TMEM132C: variants seen among roughly 807,000 people sequenced by gnomAD.
TMEM132C encodes the protein protein phosphatase 1, regulatory subunit 152.
Under a neutral mutation model 61.4 loss-of-function variants are expected in TMEM132C, and 29 were observed. The observed-to-expected ratio is 0.47, with a 90% CI of 0.35 to 0.64. The LOEUF is 0.64. Ranked by LOEUF, TMEM132C falls within the 30% of genes least tolerant of loss-of-function variation. The pLI is 0.00. For missense variants in TMEM132C, 1,408 were observed against 1,476.9 expected (o/e 0.95, Z 0.76); for synonymous variants, 656 against 633.1 (o/e 1.04, Z -0.54).
chr12:128,664,550 G>A (rs1954437402), intron 4 of TMEM132C, among the ~76,000 whole-genome samples: 2 of 152,194 alleles, frequency 1.3e-5, no homozygotes, highest in African/African-American at 2.4e-5. Context: ...TGCCTTTGTC[G>A]TGTTCTGAGG....
chr12:128,369,305 G>GT (rs1309013906), intron 1 of TMEM132C, among the ~76,000 whole-genome samples: 1 of 152,030 alleles, frequency 6.6e-6, no homozygotes, highest in Non-Finnish European at 1.5e-5. Context: ...TCAATACAAT[G>GT]TTTTTTTAGA....
At chr12:128,612,759 T>A (rs138649421) in intron 3 of TMEM132C, among the ~76,000 whole-genome samples, 165 of 152,328 alleles carry the variant, frequency 1.1e-3, no homozygotes, top group Non-Finnish European at 1.9e-3. Flanking sequence ...GGAGGTCACC[T>A]CACTGCTCAC....
intron 1 of TMEM132C, among the ~76,000 whole-genome samples, chr12:128,347,091 C>G (rs1361276674): frequency 2.0e-5 from 3 of 152,224 alleles, no homozygotes; most frequent in African/African-American, 7.2e-5. Context: ...TATCCTTCCC[C>G]CTGAGTCCCC....
chr12:128,370,130 C>G (rs1401252311), intron 1 of TMEM132C, among the ~76,000 whole-genome samples: 4 of 152,146 alleles, frequency 2.6e-5, no homozygotes, highest in Non-Finnish European at 5.9e-5. Context: ...TGTTGACTTC[C>G]TGGGGGCCTG....
At chr12:128,274,005 T>G (rs1363265721) in intron 1 of TMEM132C, among the ~76,000 whole-genome samples, 1 of 152,208 alleles carries the variant, frequency 6.6e-6, no homozygotes, top group Non-Finnish European at 1.5e-5. Flanking sequence ...CTCTTCAAGA[T>G]GTTATTCTCC....
intron 1 of TMEM132C, among the ~76,000 whole-genome samples, chr12:128,339,708 C>T (rs921196567): frequency 2.6e-5 from 4 of 151,594 alleles, no homozygotes; most frequent in Admixed American, 6.6e-5. Context: ...GGCAGCAGTG[C>T]AGCCTGCAGC....
rs111587173 is a variant in TMEM132C at position 128,566,978 on chromosome 12, T to C, written c.1121+22875T>C. Among the ~76,000 whole-genome samples the C allele has an allele frequency of 3.4e-3, 513 of 152,358 alleles. 7 individuals carry two copies. Among genetic ancestry groups the C allele is most frequent in the African/African-American group, 0.012 (485 of 41,574 alleles). On this transcript the variant is annotated intron_variant, in intron 3 of 8. Coordinates refer to ENST00000435159, the MANE Select transcript of TMEM132C (RefSeq NM_001136103.3). ...ATCATTGTGCTTAATGTTGGTATAGTTGTGGTTATTGTGTTGCTTTTAGAT... is the reference window on the plus strand; with the variant it reads ...ATCATTGTGCTTAATGTTGGTATAGCTGTGGTTATTGTGTTGCTTTTAGAT...
chr12:128,578,667 G>A (rs980814540), intron 3 of TMEM132C, among the ~76,000 whole-genome samples: 1 of 151,980 alleles, frequency 6.6e-6, no homozygotes, highest in South Asian at 2.1e-4. Flanking sequence ...GCATGATCTC[G>A]GCTCACTGCA....
chr12:128,669,400 T>G lies in TMEM132C; in HGVS notation c.1306-17T>G, dbSNP rs1279055175. 6.4e-7 allele frequency: 1 copy of G among 1,551,412 alleles called. No homozygotes were observed. The highest frequency in any genetic ancestry group is 2.0e-5 in the Admixed American group (1 of 50,988). On this transcript the variant is annotated splice_polypyrimidine_tract_variant and intron_variant, in intron 4 of 8. Transcript: ENST00000435159. The stretch of plus-strand genomic sequence containing the variant: ...GAATATCTCCCTTGACCCAGTGTGT[T>G]TGATTCTTTTTGGCAGGACACTGAA...
At position 128,557,380 on chromosome 12, in the gene TMEM132C, A is replaced by T. The variant is rs186409050; in HGVS notation, c.1121+13277A>T. 5.3e-5 allele frequency among the ~76,000 whole-genome samples: 8 copies of T among 152,372 alleles called. No individual in the cohort carries two copies. In the East Asian group the frequency reaches 1.5e-3, roughly 29 times the overall value. On this transcript the variant is annotated intron_variant, in intron 3 of 8. Coordinates refer to ENST00000435159, the MANE Select transcript of TMEM132C (RefSeq NM_001136103.3). The stretch of plus-strand genomic sequence containing the variant: ...CATCTGTCCTGAAATGATTTATTGT[A>T]TCAAGTTAACAAGTCTCTCAAGCTC...
chr12:128,580,080 T>A (rs1006700739), intron 3 of TMEM132C, among the ~76,000 whole-genome samples: 15 of 152,304 alleles, frequency 9.8e-5, no homozygotes, highest in Admixed American at 5.9e-4. Context: ...CTGGGGGACC[T>A]GGGTCAGACA....
chr12:128,515,034 G>A (rs990633470), intron 2 of TMEM132C, among the ~76,000 whole-genome samples: 1 of 152,242 alleles, frequency 6.6e-6, no homozygotes, highest in Admixed American at 6.5e-5. Context: ...AAGCAAAGTT[G>A]TATAAGGCTT....
chr12:128,571,301 G>A (rs146708211), intron 3 of TMEM132C, among the ~76,000 whole-genome samples: 68 of 152,326 alleles, frequency 4.5e-4, no homozygotes, highest in African/African-American at 1.5e-3. Context: ...TCCAGTCTGA[G>A]TTTAGGTTTC....
chr12:128,682,985 T>G (rs1401905502), intron 5 of TMEM132C, among the ~76,000 whole-genome samples: 1 of 152,172 alleles, frequency 6.6e-6, no homozygotes, highest in African/African-American at 2.4e-5. Flanking sequence ...CCGTCCTCCC[T>G]GTGCGTCTGC....
intron 1 of TMEM132C, among the ~76,000 whole-genome samples, chr12:128,385,025 C>T (rs548932509): frequency 4.3e-4 from 65 of 152,278 alleles, no homozygotes; most frequent in African/African-American, 1.3e-3. Flanking sequence ...TCAAAATATT[C>T]GAGAACTTTA....
intron 3 of TMEM132C, among the ~76,000 whole-genome samples, chr12:128,598,680 T>C (rs1367949017): frequency 1.3e-5 from 2 of 152,214 alleles, no homozygotes; most frequent in South Asian, 2.1e-4. Flanking sequence ...TCACTTATTG[T>C]TCAGCTTTCA....
chr12:128,482,301 A>C (rs1003855575), intron 2 of TMEM132C, among the ~76,000 whole-genome samples: 2 of 152,234 alleles, frequency 1.3e-5, no homozygotes, highest in Non-Finnish European at 2.9e-5. Flanking sequence ...GGACGAAAGC[A>C]CTGGGGAATT....
At position 128,630,773 on chromosome 12, in the gene TMEM132C, G is replaced by A. The variant is rs943550840; in HGVS notation, c.1305+14438G>A. On this transcript the variant is annotated intron_variant, in intron 4 of 8. Coordinates refer to ENST00000435159, the MANE Select transcript of TMEM132C (RefSeq NM_001136103.3). The surrounding 1 kb of genome is among the most constrained non-coding windows in gnomAD (Gnocchi z 4.3). ...GTGTGGGCCGGGCACGGTGGCTCACGCCTGTAATCCCAGCACTTTGGGAGG... is the reference window on the plus strand; with the variant it reads ...GTGTGGGCCGGGCACGGTGGCTCACACCTGTAATCCCAGCACTTTGGGAGG... 1.3e-5 allele frequency among the ~76,000 whole-genome samples: 2 copies of A among 152,172 alleles called. No homozygotes were observed. The highest frequency in any genetic ancestry group is 2.9e-5 in the Non-Finnish European group (2 of 68,036).
chr12:128,434,539 C>T (rs547766924), intron 2 of TMEM132C, among the ~76,000 whole-genome samples: 193 of 152,230 alleles, frequency 1.3e-3, no homozygotes, highest in African/African-American at 4.5e-3. Flanking sequence ...CCGCCTGCCT[C>T]GGCCTCTCAA....
Sources: allele counts gnomAD v4.1 joint callset (sites outside exome capture counted in the v4.1 genomes callset), GRCh38; gene constraint gnomAD v4.1.1; non-coding constraint Gnocchi (gnomAD v3.1); transcripts MANE v1.5; gene names NCBI Gene and HGNC (gene_info 2026-07-23, HGNC 2026-07-21).